The following RAB3IP variants were observed in gnomAD, a reference collection of about 807,000 sequenced individuals.
RAB3IP encodes rab-3A-interacting protein.
Under a neutral mutation model 59.1 loss-of-function variants are expected in RAB3IP, and 36 were observed. The observed-to-expected ratio is 0.61, with a 90% CI of 0.47 to 0.80. The LOEUF is 0.80. RAB3IP is among the 30% of genes least tolerant of loss of function. RAB3IP has a pLI of 0.00. For missense variants in RAB3IP, 511 were observed against 536.0 expected (o/e 0.95, Z 0.46); for synonymous variants, 207 against 191.2 (o/e 1.08, Z -0.68).
At chr12:69,754,957 T>C (rs2136125091) in intron 1 of RAB3IP, among the ~76,000 whole-genome samples, 1 of 152,374 alleles carries the variant, frequency 6.6e-6, no homozygotes, top group South Asian at 2.1e-4. Flanking sequence ...ACTAATTGAT[T>C]ATTCTCACTT....
rs1487119765 is a variant in RAB3IP, at chr12:69,819,413, C to G, written c.*3967C>G. 1.3e-5 allele frequency: 2 copies of G among 152,148 alleles called. No individual in the cohort carries two copies. Among genetic ancestry groups the G allele is most frequent in the South Asian group, 4.1e-4 (2 of 4,828 alleles). 9.4% of individuals were successfully genotyped at this position (152,148 alleles called of 1,614,324 possible). A position where few individuals can be genotyped will look rare whatever the true frequency, so the allele number is the denominator to read the frequency against. ...CAAGTGTGAGGTGCCCACTGAGCAT[C>G]AAAGTGGATATGTTAAGCAGGTATT... On this transcript the variant is annotated 3_prime_UTR_variant, in exon 11 of 11. Transcript: ENST00000247833.
chr12:69,783,500 T>C (rs890789064), intron 3 of RAB3IP, among the ~76,000 whole-genome samples: 1 of 152,196 alleles, frequency 6.6e-6, no homozygotes, highest in Non-Finnish European at 1.5e-5. Context: ...AGGGTGAGAC[T>C]CCGTCCTTCT....
intron 4 of RAB3IP, among the ~76,000 whole-genome samples, chr12:69,793,229 A>T (rs964994562): frequency 2.6e-5 from 4 of 152,238 alleles, no homozygotes; most frequent in South Asian, 2.1e-4. Context: ...ATTTTGCTAT[A>T]AATCATTGAT....
intron 8 of RAB3IP, among the ~76,000 whole-genome samples, chr12:69,802,247 A>G (rs1878507655): frequency 2.0e-5 from 3 of 152,008 alleles, no homozygotes; most frequent in Admixed American, 2.0e-4. Context: ...GAAGGTACTG[A>G]GTTAGACTAA....
At chr12:69,747,065 CA>C (rs747065788) in intron 1 of RAB3IP, among the ~76,000 whole-genome samples, 5 of 152,110 alleles carry the variant, frequency 3.3e-5, no homozygotes, top group Middle Eastern at 3.2e-3. Context: ...TCACTCAAAA[CA>C]ATAAGCTTTT....
intron 3 of RAB3IP, among the ~76,000 whole-genome samples, chr12:69,760,398 A>G (rs1592480713): frequency 1.3e-5 from 2 of 151,708 alleles, no homozygotes; most frequent in Non-Finnish European, 3.0e-5. Flanking sequence ...GACCGTGGGG[A>G]GAGGGAGAGG....
intron 1 of RAB3IP, among the ~76,000 whole-genome samples, chr12:69,754,520 G>C (rs992095132): frequency 2.0e-5 from 3 of 152,126 alleles, no homozygotes; most frequent in Admixed American, 2.0e-4. Flanking sequence ...CTCTAACCAA[G>C]GTCATGTATA....
intron 3 of RAB3IP, among the ~76,000 whole-genome samples, chr12:69,761,926 T>G (rs1007297989): frequency 6.6e-6 from 1 of 152,234 alleles, no homozygotes; most frequent in African/African-American, 2.4e-5. Context: ...TTGTAATTTC[T>G]TAGGGTTTTA....
Position 69,819,426 on chromosome 12 carries a change from T to C in RAB3IP, c.*3980T>C, listed in dbSNP as rs1881472247. 1.3e-5 allele frequency: 2 copies of C among 152,244 alleles called. No individual in the cohort carries two copies. Among genetic ancestry groups the C allele is most frequent in the South Asian group, 4.1e-4 (2 of 4,834 alleles). 9.4% of individuals were successfully genotyped at this position (152,244 alleles called of 1,614,324 possible). The stretch of plus-strand genomic sequence containing the variant: ...CCCACTGAGCATCAAAGTGGATATG[T>C]TAAGCAGGTATTGGATGTACAAATC... On this transcript the variant is annotated 3_prime_UTR_variant, in exon 11 of 11. Coordinates refer to ENST00000247833, the MANE Select transcript of RAB3IP (RefSeq NM_022456.5).
chr12:69,813,586 G>A (rs947370380), intron 10 of RAB3IP, among the ~76,000 whole-genome samples: 5 of 152,048 alleles, frequency 3.3e-5, no homozygotes, highest in Non-Finnish European at 1.5e-5. Context: ...TCATGAAAGT[G>A]TGTTAATATT....
chr12:69,789,433 A>G (rs2136217197), intron 4 of RAB3IP, among the ~76,000 whole-genome samples: 1 of 152,228 alleles, frequency 6.6e-6, no homozygotes, highest in African/African-American at 2.4e-5. Flanking sequence ...TCTGGAATCA[A>G]ATTCTGGAAA....
chr12:69,792,852 A>T (rs1486990437), intron 4 of RAB3IP, among the ~76,000 whole-genome samples: 1 of 152,208 alleles, frequency 6.6e-6, no homozygotes, highest in Admixed American at 6.5e-5. Flanking sequence ...CAAACAAAAA[A>T]CTTTTCTAGC....
At chr12:69,806,903 T>C (rs374321099) in intron 8 of RAB3IP, among the ~76,000 whole-genome samples, 1 of 152,144 alleles carries the variant, frequency 6.6e-6, no homozygotes, top group South Asian at 2.1e-4. Context: ...GGGGTAAGGT[T>C]ATAGATTAAC....
At chr12:69,762,845 A>G (rs1336869081) in intron 3 of RAB3IP, among the ~76,000 whole-genome samples, 2 of 151,948 alleles carry the variant, frequency 1.3e-5, no homozygotes, top group Non-Finnish European at 2.9e-5. Flanking sequence ...GCCCAGTAGG[A>G]TAGCTTGCAA....
rs566573124 is a variant in RAB3IP, at chr12:69,795,678, A to G, written c.888+334A>G. 7.7e-4 allele frequency: 315 copies of G among 411,128 alleles called. 1 individual carries two copies. The highest frequency in any genetic ancestry group is 1.9e-3 in the Middle Eastern group (3 of 1,620). 25.5% of individuals were successfully genotyped at this position (411,128 alleles called of 1,614,324 possible). On this transcript the variant is annotated intron_variant, in intron 6 of 10. Coordinates refer to ENST00000247833, the MANE Select transcript of RAB3IP (RefSeq NM_022456.5). ...TATTGCTAGAGTGCGCTTACAAAGT[A>G]TGGATATAAGAAATATGTGAAAATA...
intron 8 of RAB3IP, among the ~76,000 whole-genome samples, chr12:69,805,313 A>T (rs549562195): frequency 2.6e-5 from 4 of 152,066 alleles, no homozygotes; most frequent in Non-Finnish European, 5.9e-5. Context: ...TTATTGGTGT[A>T]TAAGAATGCT....
At chr12:69,810,298 G>A (rs752628714) in intron 8 of RAB3IP, among the ~76,000 whole-genome samples, 41 of 152,208 alleles carry the variant, frequency 2.7e-4, no homozygotes, top group South Asian at 6.2e-4. Flanking sequence ...TGAGGTGTCA[G>A]TCCGCCCCTA....
intron 6 of RAB3IP, 92 bp from the exon 7 acceptor site, chr12:69,800,117 C>A: frequency 2.1e-6 from 2 of 952,410 alleles, no homozygotes; most frequent in Non-Finnish European, 2.9e-6. Flanking sequence ...AGCTTTTTTT[C>A]AGTGATGTTT....
intron 8 of RAB3IP, among the ~76,000 whole-genome samples, chr12:69,806,331 G>A (rs1477354556): frequency 1.3e-5 from 2 of 152,036 alleles, no homozygotes; most frequent in East Asian, 1.9e-4. Context: ...TTCTGTGGGA[G>A]CAGTGGTGAT....
Sources: gnomAD v4.1 joint callset for allele counts (sites outside exome capture counted in the v4.1 genomes callset) on GRCh38, gnomAD v4.1.1 for gene constraint, MANE v1.5 for transcripts, NCBI Gene and HGNC (gene_info 2026-07-23, HGNC 2026-07-21) for gene names.